TNS1: variants seen among roughly 807,000 people sequenced by gnomAD.
TNS1 encodes the protein tensin-1.
In TNS1, 62 loss-of-function variants were observed where a neutral mutation model predicts 168.6. The ratio of observed to expected loss-of-function variants is 0.37; its 90% CI spans 0.30 to 0.45. The LOEUF (loss-of-function observed/expected upper bound fraction) is 0.45. TNS1 is among the 20% of genes least tolerant of loss of function. The pLI is 1.00. For missense variants in TNS1, 2,240 were observed against 2,339.4 expected, an observed-to-expected ratio of 0.96 and a Z score of 0.88; for synonymous variants, 934 against 933.2, an observed-to-expected ratio of 1.00 and a Z score of -0.02.
intron 3 of TNS1, among the ~76,000 whole-genome samples, chr2:217,959,906 C>G (rs1957456479): frequency 6.6e-6 from 1 of 152,068 alleles, no homozygotes; most frequent in South Asian, 2.1e-4. Flanking sequence ...AGGGGAGATG[C>G]CTCGCCGCTG....
At position 217,886,103 on chromosome 2, in the gene TNS1, T is replaced by C. The variant is rs778020178; in HGVS notation, c.981A>G (p.Gly327=). 2 of 1,613,028 alleles carry C rather than the reference T, an allele frequency of 1.2e-6. No homozygotes were observed. Among genetic ancestry groups the C allele is most frequent in the African/African-American group, 2.7e-5 (2 of 74,534 alleles). ...HGIPNFESKG[G]CRPFLRIYQA... ...GGTAGATGCGGAGAAATGGCCGACA[T>C]CCTGTAAAAGTGGGGTGGGTGTTAG... is the stretch of plus-strand genomic sequence containing the variant. The change falls in exon 14 of 33, where the codon GGA becomes GGG. Residue 327 remains glycine (G), a splice_region_variant and synonymous_variant. Transcript: ENST00000682258.
At chr2:217,910,692 T>TCTACAG (rs1355315412) in intron 4 of TNS1, among the ~76,000 whole-genome samples, 3 of 149,628 alleles carry the variant, frequency 2.0e-5, no homozygotes, top group Non-Finnish European at 1.5e-5. Context: ...CCAGGATGTT[T>TCTACAG]CTACAGCTAC....
At chr2:217,954,922 T>A (rs1410578241) in intron 3 of TNS1, among the ~76,000 whole-genome samples, 1 of 152,026 alleles carries the variant, frequency 6.6e-6, no homozygotes, top group Non-Finnish European at 1.5e-5. Context: ...CACATACACA[T>A]GCACAGAAGG....
intron 11 of TNS1, 93 bp from the exon 12 acceptor site, chr2:217,891,138 C>T: frequency 8.0e-7 from 1 of 1,250,912 alleles, no homozygotes; most frequent in Middle Eastern, 2.4e-4. Context: ...CTGCAGAGCA[C>T]TCTGGCCAAA....
intron 32 of TNS1, among the ~76,000 whole-genome samples, chr2:217,805,497 A>G (rs1172018062): frequency 1.4e-3 from 67 of 49,582 alleles, no homozygotes; most frequent in East Asian, 7.4e-3. Context: ...CACACACACC[A>G]CACACACCAC....
chr2:218,031,109 AGT>A (rs1160771806), intron 1 of TNS1, among the ~76,000 whole-genome samples: 24 of 99,288 alleles, frequency 2.4e-4, no homozygotes, highest in Middle Eastern at 4.9e-3. Flanking sequence ...TGTGTGTATG[AGT>A]GTGTGTGAGC....
At chr2:217,894,758 C>T (rs1952100985) in intron 9 of TNS1, among the ~76,000 whole-genome samples, 1 of 152,156 alleles carries the variant, frequency 6.6e-6, no homozygotes, top group South Asian at 2.1e-4. Context: ...ACAACTCCAG[C>T]CTCACCCAAG....
intron 1 of TNS1, among the ~76,000 whole-genome samples, chr2:217,991,883 A>G (rs148600088): frequency 2.7e-4 from 41 of 152,152 alleles, no homozygotes; most frequent in African/African-American, 9.4e-4. Flanking sequence ...ATCCTTTTCT[A>G]AATGACACCA....
chr2:217,866,566 G>A (rs751108631), intron 18 of TNS1, among the ~76,000 whole-genome samples: 4 of 152,214 alleles, frequency 2.6e-5, no homozygotes, highest in Non-Finnish European at 5.9e-5. Context: ...GCCATGCAGG[G>A]CAATCAAGAG....
intron 22 of TNS1, chr2:217,829,775 C>A: frequency 2.6e-6 from 4 of 1,527,746 alleles, no homozygotes; most frequent in Non-Finnish European, 2.6e-6. Flanking sequence ...CAGCCAGCCT[C>A]TTCAAGCCCT....
chr2:218,030,801 G>C (rs1427710615), intron 1 of TNS1, among the ~76,000 whole-genome samples: 1 of 152,222 alleles, frequency 6.6e-6, no homozygotes, highest in Non-Finnish European at 1.5e-5. Context: ...GCTATAGTGG[G>C]GCTTGAAGAA....
intron 18 of TNS1, among the ~76,000 whole-genome samples, chr2:217,872,141 G>A (rs879417104): frequency 1.3e-5 from 2 of 152,178 alleles, no homozygotes; most frequent in Admixed American, 6.5e-5. Flanking sequence ...AGATGTTAAC[G>A]TGAAAGTACT....
chr2:217,924,232 T>A (rs569645252), intron 3 of TNS1, among the ~76,000 whole-genome samples: 12 of 152,214 alleles, frequency 7.9e-5, no homozygotes, highest in South Asian at 6.2e-4. Flanking sequence ...AGCTGTGTCC[T>A]TCCTGTCCTT....
intron 1 of TNS1, among the ~76,000 whole-genome samples, chr2:218,008,100 G>A (rs1011262794): frequency 6.6e-6 from 1 of 152,140 alleles, no homozygotes; most frequent in Non-Finnish European, 1.5e-5. Flanking sequence ...GCTGACACGA[G>A]AAGGAGCCTC....
intron 3 of TNS1, among the ~76,000 whole-genome samples, chr2:217,945,842 C>T (rs563870641): frequency 3.3e-4 from 50 of 152,252 alleles, no homozygotes; most frequent in Non-Finnish European, 6.3e-4. Flanking sequence ...TCCTCTGGGG[C>T]TTGGGTCAGC....
At chr2:217,864,546 T>A (rs528248896) in intron 18 of TNS1, among the ~76,000 whole-genome samples, 34 of 152,330 alleles carry the variant, frequency 2.2e-4, no homozygotes, top group African/African-American at 6.3e-4. Context: ...AGGCAAAGGT[T>A]TAGATCTTAG....
chr2:217,859,309 C>A, intron 18 of TNS1: 1 of 338,300 alleles, frequency 3.0e-6, no homozygotes, highest in Non-Finnish European at 5.3e-6. Flanking sequence ...GAACAGATGA[C>A]AACAATTTTC....
At chr2:217,966,337 C>A (rs1957640499) in intron 3 of TNS1, among the ~76,000 whole-genome samples, 2 of 146,756 alleles carry the variant, frequency 1.4e-5, no homozygotes, top group African/African-American at 2.5e-5. Flanking sequence ...AAGGAGACAG[C>A]AAGAGAGAGA....
upstream of TNS1, among the ~76,000 whole-genome samples, chr2:218,014,870 C>CAGAA (rs1458763933): frequency 2.3e-4 from 23 of 98,110 alleles, no homozygotes; most frequent in African/African-American, 8.1e-4. Context: ...GAAGGAAGGA[C>CAGAA]GGAAGGAAGG....
Sources: allele counts gnomAD v4.1 joint callset (sites outside exome capture counted in the v4.1 genomes callset), GRCh38; gene constraint gnomAD v4.1.1; transcripts MANE v1.5; gene names NCBI Gene and HGNC (gene_info 2026-07-23, HGNC 2026-07-21).